The following DENND2A variants were observed in gnomAD, a reference collection of about 807,000 sequenced individuals.
The protein encoded by DENND2A is DENN domain-containing protein 2A.
A neutral mutation model predicts 105.3 loss-of-function variants in DENND2A; 53 were observed. That is an observed-to-expected ratio of 0.50 (90% confidence interval 0.40 to 0.63). The LOEUF (loss-of-function observed/expected upper bound fraction) is 0.63, where lower values mean the gene tolerates loss of function less well. DENND2A is among the 30% of genes least tolerant of loss of function. DENND2A has a pLI of 0.00. For synonymous variants in DENND2A, 522 were observed against 508.4 expected, an observed-to-expected ratio of 1.03 and a Z score of -0.36; for missense variants, 1,138 against 1,279.6, an observed-to-expected ratio of 0.89 and a Z score of 1.69.
chr7:140,534,669 T>A (rs1796397303), intron 14 of DENND2A, among the ~76,000 whole-genome samples: 1 of 152,138 alleles, frequency 6.6e-6, no homozygotes, highest in African/African-American at 2.4e-5. Context: ...GTTCTGGGGA[T>A]GCTAGGGATG....
chr7:140,535,301 G>A (rs774405185), intron 14 of DENND2A, among the ~76,000 whole-genome samples: 7 of 152,174 alleles, frequency 4.6e-5, no homozygotes, highest in Non-Finnish European at 7.3e-5. Flanking sequence ...GTAAATTCAC[G>A]TGTGGTCTGG....
At position 140,523,798 on chromosome 7, in the gene DENND2A, C is replaced by A. The variant is rs1373126459; in HGVS notation, c.2548-374G>T. On this transcript the variant is annotated intron_variant, in intron 16 of 19. Coordinates refer to ENST00000496613, the MANE Select transcript of DENND2A (RefSeq NM_015689.5). This position sits in a 1 kb window ranked among gnomAD's most constrained non-coding sequence, Gnocchi z 4.5. Reference sequence around the variant, plus strand: ...ATGTTAGCCAGGCTGGTCTCGAACTCCTGACCTCAGGTGATCCGCCCACCT... The same window carrying A: ...ATGTTAGCCAGGCTGGTCTCGAACTACTGACCTCAGGTGATCCGCCCACCT... Among the ~76,000 whole-genome samples, 1 of 152,180 alleles carries A rather than the reference C, an allele frequency of 6.6e-6. No homozygotes were observed. Among genetic ancestry groups the A allele is most frequent in the Non-Finnish European group, 1.5e-5 (1 of 68,036 alleles).
At position 140,519,635 on chromosome 7, in the gene DENND2A, G is replaced by C; in HGVS notation, c.2995C>G (p.Leu999Val). The C allele has an allele frequency of 6.2e-7, 1 of 1,613,952 alleles. No homozygotes were observed. Among genetic ancestry groups the C allele is most frequent in the Non-Finnish European group, 8.5e-7 (1 of 1,179,940 alleles). ...HSGVNKFLKGLGNKMKFLHKK is the reference protein window; with the variant it reads ...HSGVNKFLKGVGNKMKFLHKK ...CACCCAGAGCCCGGGGCCTTACCTA[G>C]TCCCTTCAGGAACTTATTGACACCG... Residue 999 changes from leucine (L) to valine (V), a missense_variant, in exon 19 of 20, where the codon CTA (leucine) becomes GTA (valine). By Grantham distance (32) the Leu-to-Val change is conservative. Transcript: ENST00000496613.
chr7:140,633,259 AC>A (rs936735121), intron 1 of DENND2A, among the ~76,000 whole-genome samples: 1 of 151,270 alleles, frequency 6.6e-6, no homozygotes, highest in Non-Finnish European at 1.5e-5. Context: ...CCATCTCCTG[AC>A]CTCGTGATCC....
Position 140,522,071 on chromosome 7 carries a change from C to A in DENND2A, c.2695G>T (p.Val899Leu). The change falls in exon 18 of 20, where the codon GTG (valine) becomes TTG (leucine). Residue 899 changes from valine to leucine, a missense_variant. Coordinates refer to ENST00000496613, the MANE Select transcript of DENND2A (RefSeq NM_015689.5). ...AAGAAGCGGACAAAGGCTTCAGACA[C>A]CACCTCGTTCAAGGGGCTGGACTCT... ...GPESSPLNEV[V>L]SEAFVRFFVE... 2 of 1,614,156 alleles carry A rather than the reference C, an allele frequency of 1.2e-6. No individual in the cohort carries two copies. The highest frequency in any genetic ancestry group is 1.7e-6 in the Non-Finnish European group (2 of 1,180,032).
chr7:140,639,111 C>A (rs758733608), intron 1 of DENND2A, among the ~76,000 whole-genome samples: 2 of 151,196 alleles, frequency 1.3e-5, no homozygotes, highest in African/African-American at 2.4e-5. Context: ...CAGCACTTTG[C>A]GAGGCCGAGG....
chr7:140,525,215 C>T (rs187122190), intron 16 of DENND2A, among the ~76,000 whole-genome samples: 228 of 144,548 alleles, frequency 1.6e-3, no homozygotes, highest in African/African-American at 5.2e-3. Flanking sequence ...AGTGCAGTGG[C>T]GCAATCTCCA....
chr7:140,604,496 T>C (rs960289185), intron 2 of DENND2A, among the ~76,000 whole-genome samples: 8 of 152,362 alleles, frequency 5.3e-5, no homozygotes, highest in Non-Finnish European at 1.2e-4. Flanking sequence ...GATATTAGCA[T>C]GAATTAAGAT....
At chr7:140,585,496 G>GC (rs1420075401) in intron 5 of DENND2A, 93 bp downstream of exon 5, 3 of 1,551,386 alleles carry the variant, frequency 1.9e-6, no homozygotes, top group African/African-American at 1.4e-5. Flanking sequence ...GGTGGAGGTG[G>GC]CCTGGAATTC....
At chr7:140,578,798 C>T (rs1798413242) in intron 5 of DENND2A, among the ~76,000 whole-genome samples, 1 of 152,190 alleles carries the variant, frequency 6.6e-6, no homozygotes, top group Non-Finnish European at 1.5e-5. Context: ...CGCTTGAACC[C>T]AGGAGGCAGA....
chr7:140,579,560 T>G (rs1300822070), intron 5 of DENND2A, among the ~76,000 whole-genome samples: 3 of 151,780 alleles, frequency 2.0e-5, no homozygotes, highest in Non-Finnish European at 4.4e-5. Flanking sequence ...ACCCGGCTAA[T>G]TTTTGTATTT....
At chr7:140,609,379 G>T (rs1354802119) in intron 1 of DENND2A, among the ~76,000 whole-genome samples, 1 of 152,138 alleles carries the variant, frequency 6.6e-6, no homozygotes, top group Non-Finnish European at 1.5e-5. Flanking sequence ...TGGGCGTGGT[G>T]GTGGGCGCTT....
At position 140,633,612 on chromosome 7, in the gene DENND2A, G is replaced by C. The variant is rs193195611; in HGVS notation, c.-248+6892C>G. 1.9e-3 allele frequency among the ~76,000 whole-genome samples: 295 copies of C among 152,278 alleles called. 1 individual carries two copies. Among genetic ancestry groups the C allele is most frequent in the African/African-American group, 6.7e-3 (280 of 41,554 alleles). On this transcript the variant is annotated intron_variant, in intron 1 of 19. Transcript: ENST00000496613. The stretch of plus-strand genomic sequence containing the variant: ...AGTGGGGAAGTGTGAGGGAGAGAGA[G>C]AGGCCCTTGAAATTGCTTTGCTAGG...
intron 6 of DENND2A, among the ~76,000 whole-genome samples, 155 bp from the exon 7 acceptor site, chr7:140,569,893 T>A (rs1798023234): frequency 2.5e-5 from 1 of 39,338 alleles, no homozygotes; most frequent in South Asian, 6.1e-4. Flanking sequence ...TTTCAATCAT[T>A]TTTTTTTTTT....
chr7:140,584,422 C>A, intron 5 of DENND2A, among the ~76,000 whole-genome samples: 1 of 152,092 alleles, frequency 6.6e-6, no homozygotes, highest in East Asian at 1.9e-4. Context: ...AGAGAGTGCG[C>A]ATGTCCCAGG....
At chr7:140,607,932 C>T (rs73500427) in intron 1 of DENND2A, among the ~76,000 whole-genome samples, 7,083 of 152,250 alleles carry the variant, frequency 0.047, 518 homozygotes, top group African/African-American at 0.16. Context: ...GAGTAAGAGT[C>T]TCTGCCGTCA....
chr7:140,601,583 G>A lies in DENND2A; in HGVS notation c.815C>T (p.Thr272Met), dbSNP rs983775359. 4.3e-6 allele frequency: 7 copies of A among 1,613,960 alleles called. No individual in the cohort carries two copies. The highest frequency in any genetic ancestry group is 2.2e-5 in the East Asian group (1 of 44,894). ...FINPLPKPRRTFKHAGEGDKD... is the reference protein window; with the variant it reads ...FINPLPKPRRMFKHAGEGDKD... The stretch of plus-strand genomic sequence containing the variant: ...GTCCCCTTCTCCGGCATGTTTGAAC[G>A]TTCTCCGGGGTTTTGGCAGAGGGTT... Residue 272 changes from threonine (T) to methionine (M), a missense_variant, in exon 3 of 20, where the codon ACG becomes ATG. By Grantham distance (81) the Thr-to-Met change is moderately conservative. Transcript: ENST00000496613.
intron 11 of DENND2A, among the ~76,000 whole-genome samples, chr7:140,557,786 T>C (rs912467281): frequency 6.7e-6 from 1 of 150,338 alleles, no homozygotes; most frequent in Non-Finnish European, 1.5e-5. Flanking sequence ...GATCCGCCCG[T>C]CTCGGCCTCC....
At chr7:140,583,822 A>C (rs1045434671) in intron 5 of DENND2A, among the ~76,000 whole-genome samples, 2 of 148,284 alleles carry the variant, frequency 1.3e-5, no homozygotes, top group Non-Finnish European at 2.9e-5. Context: ...GCTACTCGGG[A>C]GGCTGAGGCC....
Sources: allele counts gnomAD v4.1 joint callset (sites outside exome capture counted in the v4.1 genomes callset), GRCh38; gene constraint gnomAD v4.1.1; non-coding constraint Gnocchi (gnomAD v3.1); transcripts MANE v1.5; gene names NCBI Gene and HGNC (gene_info 2026-07-23, HGNC 2026-07-21).